KLF15: variants seen among roughly 807,000 people sequenced by gnomAD.
KLF15 encodes the protein KLF transcription factor 15, also known as Krueppel-like factor 15.
In KLF15, 4 loss-of-function variants were observed where a neutral mutation model predicts 24.6. The observed-to-expected ratio is 0.16, with a 90% confidence interval of 0.08 to 0.37. KLF15 has a LOEUF of 0.37. Ranked by LOEUF, KLF15 falls within the 10% of genes least tolerant of loss-of-function variation. The pLI is 1.00. For synonymous variants in KLF15, 246 were observed against 236.3 expected (o/e 1.04, Z -0.37); for missense variants, 496 against 560.6 (o/e 0.88, Z 1.16).
Position 126,343,137 on chromosome 3 carries a change from CAGCGGCCCGGTCCTG to C in KLF15, c.*575_*589del. On this transcript the variant is annotated 3_prime_UTR_variant, in exon 3 of 3. Transcript: ENST00000296233. ...TTCACCTCTCTCCCACATGAGGGCC[CAGCGGCCCGGTCCTG>C]CCCCCCCCCCCCCCCCCCCCCCCCC... The C allele has an allele frequency of 2.1e-5, 2 of 96,618 alleles. No homozygotes were observed. The highest frequency in any genetic ancestry group is 4.3e-5 in the Non-Finnish European group (2 of 46,826). 6.0% of individuals were successfully genotyped at this position (96,618 alleles called of 1,614,324 possible).
intron 2 of KLF15, 70 bp from the exon 3 acceptor site, chr3:126,343,965 G>T: frequency 6.9e-7 from 1 of 1,459,254 alleles, no homozygotes; most frequent in East Asian, 2.5e-5. Flanking sequence ...CCACGAAGTT[G>T]CCGGGATGCA....
At chr3:126,290,754 G>C in the KLF15 span, 2 of 152,206 alleles carry the variant, frequency 1.3e-5, no homozygotes, top group Non-Finnish European at 2.9e-5. Context: ...ATTCCCTTCT[G>C]AATCTGGAAG....
At position 126,357,343 on chromosome 3, in the gene KLF15, G is replaced by T. The variant is rs1299792357; in HGVS notation, c.-132C>A. 1 of 147,110 alleles carries T rather than the reference G, an allele frequency of 6.8e-6. No individual in the cohort carries two copies. The highest frequency in any genetic ancestry group is 2.4e-5 in the African/African-American group (1 of 40,878). The allele number at this position is 147,110 out of a possible 1,614,324, so 9.1% of individuals were successfully genotyped here. ...ACTCTCGGTCCGGCGGCGGCCGGGG[G>T]CCGAGCCGCGGGTCCTGCGCTGGCT... On this transcript the variant is annotated 5_prime_UTR_variant, in exon 1 of 3. Coordinates refer to ENST00000296233, the MANE Select transcript of KLF15 (RefSeq NM_014079.4).
rs376709804 is a variant in KLF15 at position 126,346,111 on chromosome 3, C to T, written c.1083-2216G>A. 3.3e-5 allele frequency among the ~76,000 whole-genome samples: 5 copies of T among 152,326 alleles called. No homozygotes were observed. The East Asian group carries it at 5.8e-4, about 18-fold the overall frequency. Reference sequence around the variant, plus strand: ...GGATGGGTGTGTGTGTCACAGGGCCCTGTGCCAGTGAGGAAATGGGATAAA... The same window carrying T: ...GGATGGGTGTGTGTGTCACAGGGCCTTGTGCCAGTGAGGAAATGGGATAAA... On this transcript the variant is annotated intron_variant, in intron 2 of 2. Coordinates refer to ENST00000296233, the MANE Select transcript of KLF15 (RefSeq NM_014079.4).
chr3:126,288,490 GC>G, the KLF15 span: 1 of 152,296 alleles, frequency 6.6e-6, no homozygotes, highest in African/African-American at 2.4e-5. Flanking sequence ...CACGCGAGTC[GC>G]CCCCGAGCCT....
At chr3:126,335,251 A>C in the KLF15 span, among the ~76,000 whole-genome samples, 1 of 146,842 alleles carries the variant, frequency 6.8e-6, no homozygotes, top group Non-Finnish European at 1.5e-5. Flanking sequence ...CATCCCTGGG[A>C]TGCAAGGCTG....
At chr3:126,321,739 T>C in the KLF15 span, among the ~76,000 whole-genome samples, 1 of 152,126 alleles carries the variant, frequency 6.6e-6, no homozygotes, top group Non-Finnish European at 1.5e-5. Context: ...ATCCTATTCC[T>C]TGAATTGCTG....
chr3:126,340,020 T>G (rs2082468518), downstream of KLF15, among the ~76,000 whole-genome samples: 1 of 152,178 alleles, frequency 6.6e-6, no homozygotes, highest in Non-Finnish European at 1.5e-5. Flanking sequence ...GTGATGCCCT[T>G]TCTGAGAATG....
the KLF15 span, among the ~76,000 whole-genome samples, chr3:126,302,757 C>G: frequency 6.6e-6 from 1 of 151,578 alleles, no homozygotes; most frequent in Admixed American, 6.6e-5. Flanking sequence ...ATATCTTTTC[C>G]CATCCTCCTA....
chr3:126,289,588 C>T, the KLF15 span, among the ~76,000 whole-genome samples: 5 of 152,190 alleles, frequency 3.3e-5, no homozygotes, highest in South Asian at 2.1e-4. Context: ...ATTTAAAAGA[C>T]GATACATTTC....
the KLF15 span, among the ~76,000 whole-genome samples, chr3:126,296,382 TA>T: frequency 1.3e-5 from 2 of 152,206 alleles, no homozygotes; most frequent in Non-Finnish European, 2.9e-5. Context: ...TAATTTTTTG[TA>T]TTTTTAATAC....
the KLF15 span, among the ~76,000 whole-genome samples, chr3:126,295,082 A>G: frequency 2.0e-5 from 3 of 152,228 alleles, no homozygotes; most frequent in African/African-American, 2.4e-5. Flanking sequence ...ATAGATACAC[A>G]TAGATGCACA....
At chr3:126,289,743 G>A in the KLF15 span, among the ~76,000 whole-genome samples, 2 of 152,204 alleles carry the variant, frequency 1.3e-5, no homozygotes, top group Admixed American at 6.5e-5. Flanking sequence ...TTATCATTCC[G>A]TTTGTGACTG....
rs62265917 is a variant in KLF15, at chr3:126,351,830, G to A, written c.1082+11C>T. ...TGCTCACTGCCCAGGCCTGTCACTCGCTATACTGACCTCCAGCCGCAGCCT... is the reference window on the plus strand; with the variant it reads ...TGCTCACTGCCCAGGCCTGTCACTCACTATACTGACCTCCAGCCGCAGCCT... On this transcript the variant is annotated intron_variant, in intron 2 of 2. Transcript: ENST00000296233. The A allele has an allele frequency of 0.012, 18,872 of 1,608,220 alleles. 141 individuals carry two copies. Among genetic ancestry groups the A allele is most frequent in the Non-Finnish European group, 0.014 (16,228 of 1,177,592 alleles).
the KLF15 span, among the ~76,000 whole-genome samples, chr3:126,318,787 G>A: frequency 4.6e-5 from 7 of 152,176 alleles, no homozygotes; most frequent in African/African-American, 1.7e-4. Flanking sequence ...AGTGGTCCCT[G>A]TTTTAGCTGA....
At chr3:126,328,809 T>C in the KLF15 span, among the ~76,000 whole-genome samples, 1 of 152,246 alleles carries the variant, frequency 6.6e-6, no homozygotes, top group Non-Finnish European at 1.5e-5. Flanking sequence ...TTTACAAAGT[T>C]AGATATCTTC....
downstream of KLF15, among the ~76,000 whole-genome samples, chr3:126,337,927 G>C (rs1235049852): frequency 6.6e-6 from 1 of 152,186 alleles, no homozygotes; most frequent in Non-Finnish European, 1.5e-5. Context: ...CAAAAAGCAA[G>C]TCCCTGGGTG....
the KLF15 span, among the ~76,000 whole-genome samples, chr3:126,288,630 C>T: frequency 6.6e-6 from 1 of 152,250 alleles, no homozygotes; most frequent in African/African-American, 2.4e-5. Flanking sequence ...TTAGTCCTCC[C>T]TGGACAGAGG....
At chr3:126,323,817 G>A in the KLF15 span, among the ~76,000 whole-genome samples, 799 of 138,192 alleles carry the variant, frequency 5.8e-3, no homozygotes, top group East Asian at 9.9e-3. Flanking sequence ...CCAAATATGT[G>A]ATGTTTGGTT....
Sources: allele counts gnomAD v4.1 joint callset (sites outside exome capture counted in the v4.1 genomes callset), GRCh38; gene constraint gnomAD v4.1.1; transcripts MANE v1.5; gene names NCBI Gene and HGNC (gene_info 2026-07-23, HGNC 2026-07-21).